Variants in NTRK3 observed in about 807,000 individuals in gnomAD.
NTRK3 encodes NT-3 growth factor receptor.
Under a neutral mutation model 91.7 loss-of-function variants are expected in NTRK3, and 24 were observed. The ratio of observed to expected loss-of-function variants is 0.26; its 90% CI spans 0.19 to 0.37. NTRK3 has a LOEUF of 0.37. NTRK3 is among the 10% of genes least tolerant of loss of function. The probability of loss-of-function intolerance (pLI) is 1.00; values close to 1 mark genes in which losing one functional copy is unlikely to be tolerated. For missense variants in NTRK3, 880 were observed against 1,068.9 expected (o/e 0.82, Z 2.46); for synonymous variants, 483 against 404.0 (o/e 1.20, Z -2.34).
At position 87,941,452 on chromosome 15, in the gene NTRK3, C is replaced by T. The variant is rs903041204; in HGVS notation, c.1586-699G>A. ...AAAGACGTAGAAGACAAGACACACG[C>T]ATGCACACACACATACACATACACA... On this transcript the variant is annotated intron_variant, in intron 14 of 18. Coordinates refer to ENST00000394480, the Ensembl canonical transcript of NTRK3. Among the ~76,000 whole-genome samples the T allele has an allele frequency of 2.7e-5, 4 of 148,360 alleles. No homozygotes were observed. In the Admixed American group the frequency reaches 2.7e-4, roughly 10 times the overall value.
intron 13 of NTRK3, among the ~76,000 whole-genome samples, chr15:88,045,897 G>A (rs982881307): frequency 4.6e-5 from 7 of 152,188 alleles, no homozygotes; most frequent in African/African-American, 1.2e-4. Flanking sequence ...GATCAAGGGC[G>A]CACTCTATTC....
chr15:87,955,441 G>A (rs573167133), intron 14 of NTRK3, among the ~76,000 whole-genome samples: 5 of 152,326 alleles, frequency 3.3e-5, no homozygotes, highest in South Asian at 4.1e-4. Flanking sequence ...TTGGGGACAC[G>A]GCATGGCTCA....
At chr15:87,886,483 A>G (rs1449282529) in intron 17 of NTRK3, among the ~76,000 whole-genome samples, 1 of 150,870 alleles carries the variant, frequency 6.6e-6, no homozygotes, top group East Asian at 1.9e-4. Flanking sequence ...ATATTAAGTG[A>G]CAACACAAGG....
Position 87,940,613 on chromosome 15 carries a change from T to TG in NTRK3, c.1716+9dup. 7 of 1,613,496 alleles carry TG rather than the reference T, an allele frequency of 4.3e-6. No individual in the cohort carries two copies. Among genetic ancestry groups the TG allele is most frequent in the Non-Finnish European group, 5.9e-6 (7 of 1,180,026 alleles). On this transcript the variant is annotated intron_variant, in intron 15 of 18. Transcript: ENST00000394480. ...CCTCCTCCTGGTGCCGGCATGCCTC[T>TG]GGGGTTTACCTTCACAGCCACAAGC...
At chr15:88,140,392 C>T (rs1219640206) in intron 6 of NTRK3, among the ~76,000 whole-genome samples, 1 of 152,198 alleles carries the variant, frequency 6.6e-6, no homozygotes, top group Non-Finnish European at 1.5e-5. Flanking sequence ...CCAGCTGTAA[C>T]CCTGGCACGT....
chr15:88,179,472 T>C (rs2046276192), intron 5 of NTRK3, among the ~76,000 whole-genome samples: 1 of 152,134 alleles, frequency 6.6e-6, no homozygotes, highest in Non-Finnish European at 1.5e-5. Context: ...GAGAATTCAA[T>C]GAGATAATGT....
At chr15:88,051,805 T>G (rs1054700442) in intron 13 of NTRK3, among the ~76,000 whole-genome samples, 2 of 152,260 alleles carry the variant, frequency 1.3e-5, no homozygotes, top group African/African-American at 4.8e-5. Context: ...TGATAATTAC[T>G]GATTTAAGTG....
At chr15:88,027,120 C>T (rs188557948) in intron 14 of NTRK3, among the ~76,000 whole-genome samples, 7 of 152,134 alleles carry the variant, frequency 4.6e-5, no homozygotes, top group South Asian at 2.1e-4. Context: ...GTCTAGGCAA[C>T]GAGATTTGAT....
intron 3 of NTRK3, among the ~76,000 whole-genome samples, chr15:88,198,877 C>T (rs1164494212): frequency 6.6e-6 from 1 of 152,172 alleles, no homozygotes; most frequent in Non-Finnish European, 1.5e-5. Flanking sequence ...CTGACTGACA[C>T]ACACTCCTCA....
chr15:88,128,557 C>A (rs768966706), intron 11 of NTRK3, among the ~76,000 whole-genome samples, 154 bp downstream of exon 11: 4 of 152,178 alleles, frequency 2.6e-5, no homozygotes, highest in Non-Finnish European at 2.9e-5. Context: ...AAAAGCATTG[C>A]TACCCTTCAT....
intron 11 of NTRK3, 70 bp from the exon 12 acceptor site, chr15:88,127,296 G>T: frequency 7.7e-7 from 1 of 1,304,700 alleles, no homozygotes; most frequent in Middle Eastern, 1.9e-4. Flanking sequence ...CACAGTCCCT[G>T]CCCAACTCCC....
At chr15:88,012,782 C>G (rs982630659) in intron 14 of NTRK3, among the ~76,000 whole-genome samples, 1 of 152,230 alleles carries the variant, frequency 6.6e-6, no homozygotes, top group Non-Finnish European at 1.5e-5. Context: ...TTATACTGTG[C>G]TTCTCATACT....
At chr15:88,119,426 C>G (rs1355924199) in intron 13 of NTRK3, among the ~76,000 whole-genome samples, 1 of 152,112 alleles carries the variant, frequency 6.6e-6, no homozygotes, top group Admixed American at 6.5e-5. Flanking sequence ...TAGAATTTGT[C>G]AAATACTAGG....
At chr15:87,922,092 G>T (rs573123572) in intron 17 of NTRK3, among the ~76,000 whole-genome samples, 4 of 152,294 alleles carry the variant, frequency 2.6e-5, no homozygotes, top group African/African-American at 9.6e-5. Flanking sequence ...GGAACCCTGT[G>T]ATCCTAAAAG....
intron 17 of NTRK3, among the ~76,000 whole-genome samples, chr15:87,914,275 T>C (rs2067292803): frequency 6.6e-6 from 1 of 152,236 alleles, no homozygotes; most frequent in South Asian, 2.1e-4. Flanking sequence ...TCCATTCTTA[T>C]GGGTATTTTA....
chr15:88,064,492 C>A (rs2046481149), intron 13 of NTRK3, among the ~76,000 whole-genome samples: 1 of 152,132 alleles, frequency 6.6e-6, no homozygotes, highest in African/African-American at 2.4e-5. Flanking sequence ...TTTTACACTC[C>A]CACAGCCTCA....
chr15:88,181,317 C>A (rs4505272), intron 5 of NTRK3, among the ~76,000 whole-genome samples: 2,195 of 152,246 alleles, frequency 0.014, 24 homozygotes, highest in Non-Finnish European at 0.019. Flanking sequence ...TCTATCGCTG[C>A]CACCACTCAG....
chr15:88,063,075 C>T (rs2046355330), intron 13 of NTRK3, among the ~76,000 whole-genome samples: 1 of 152,228 alleles, frequency 6.6e-6, no homozygotes, highest in African/African-American at 2.4e-5. Context: ...CACTGGGCTC[C>T]ATCCCTTGGA....
intron 13 of NTRK3, among the ~76,000 whole-genome samples, chr15:88,108,130 G>A (rs966137791): frequency 2.0e-5 from 3 of 152,156 alleles, no homozygotes; most frequent in African/African-American, 7.2e-5. Flanking sequence ...GGTTCTGAAA[G>A]ATATGCCATT....
Sources: allele counts gnomAD v4.1 joint callset (sites outside exome capture counted in the v4.1 genomes callset), GRCh38; gene constraint gnomAD v4.1.1; transcripts MANE v1.5; gene names NCBI Gene and HGNC (gene_info 2026-07-23, HGNC 2026-07-21).